RFX4: variants seen among roughly 807,000 people sequenced by gnomAD.
RFX4 encodes transcription factor RFX4.
RFX4 carries 10 observed loss-of-function variants against 95.0 expected under a neutral mutation model. The observed-to-expected ratio is 0.11, with a 90% CI of 0.06 to 0.18. RFX4 has a LOEUF of 0.18. Ranked by LOEUF, RFX4 falls within the 10% of genes least tolerant of loss-of-function variation. The probability of loss-of-function intolerance (pLI) is 1.00; values close to 1 mark genes in which losing one functional copy is unlikely to be tolerated. For synonymous variants in RFX4, 321 were observed against 340.7 expected, an observed-to-expected ratio of 0.94 and a Z score of 0.64; for missense variants, 640 against 922.0, an observed-to-expected ratio of 0.69 and a Z score of 3.96.
intron 2 of RFX4, among the ~76,000 whole-genome samples, chr12:106,618,803 C>G (rs1367364342): frequency 6.6e-6 from 1 of 151,946 alleles, no homozygotes; most frequent in Non-Finnish European, 1.5e-5. Context: ...TCCCATCTGT[C>G]TTTATTCCTT....
chr12:106,584,917 G>A (rs1003589215), intron 1 of RFX4, among the ~76,000 whole-genome samples: 16 of 152,192 alleles, frequency 1.1e-4, no homozygotes, highest in African/African-American at 3.6e-4. Context: ...AAGGAGAAGC[G>A]TCGCCTGCCC....
rs145312429 is a variant in RFX4 at position 106,657,421 on chromosome 12, C to T, written c.315+3070C>T. Among the ~76,000 whole-genome samples the T allele has an allele frequency of 8.1e-3, 1,238 of 152,282 alleles. 3 individuals are homozygous for T. Among genetic ancestry groups the T allele is most frequent in the Admixed American group, 0.012 (188 of 15,294 alleles). ...ATACCGTTCTTCATAAAGTGGGTGG[C>T]AGCCATTGCTTCGCTGCAAGTAAGA... On this transcript the variant is annotated intron_variant, in intron 4 of 17. Transcript: ENST00000392842.
In RFX4 at chr12:106,599,130, C is replaced by T. The variant is rs151168841; in HGVS notation, c.44-9667C>T. ...GGTGAGTTCATGATCTCTGAACAAA[C>T]GGCATTTGTGCATCGTTGGGAGTTT... On this transcript the variant is annotated intron_variant, in intron 1 of 17. Coordinates refer to ENST00000392842, the MANE Select transcript of RFX4 (RefSeq NM_213594.3). Among the ~76,000 whole-genome samples the T allele has an allele frequency of 7.6e-3, 1,148 of 151,140 alleles. 15 individuals are homozygous for T. The highest frequency in any genetic ancestry group is 0.026 in the African/African-American group (1,084 of 41,210).
chr12:106,611,908 T>C (rs1477790312), intron 2 of RFX4, among the ~76,000 whole-genome samples: 1 of 152,220 alleles, frequency 6.6e-6, no homozygotes, highest in Non-Finnish European at 1.5e-5. Flanking sequence ...TTGGCACCAT[T>C]GTCAAAAAAC....
intron 14 of RFX4, 87 bp from the exon 15 acceptor site, chr12:106,732,837 T>C (rs1307007546): frequency 7.5e-7 from 1 of 1,336,568 alleles, no homozygotes; most frequent in Non-Finnish European, 1.0e-6. Flanking sequence ...ATCACACAGA[T>C]TAGAATAATA....
chr12:106,725,209 T>G (rs1318006836), intron 13 of RFX4, among the ~76,000 whole-genome samples: 1 of 152,168 alleles, frequency 6.6e-6, no homozygotes, highest in Admixed American at 6.5e-5. Context: ...AAATGTGAAG[T>G]CACTTTGCTT....
chr12:106,747,653 C>A (rs1440775152), intron 16 of RFX4, 54 bp downstream of exon 16: 35 of 1,582,232 alleles, frequency 2.2e-5, no homozygotes, highest in Non-Finnish European at 2.1e-5. Context: ...TCTAAAGAGG[C>A]TGGGCACAGC....
intron 4 of RFX4, among the ~76,000 whole-genome samples, chr12:106,665,276 T>C (rs2041153874): frequency 6.6e-6 from 1 of 151,958 alleles, no homozygotes; most frequent in South Asian, 2.1e-4. Flanking sequence ...TGCTTTGAAG[T>C]ATGCTCCATA....
chr12:106,699,103 G>A (rs2041938644), intron 8 of RFX4, among the ~76,000 whole-genome samples: 1 of 151,876 alleles, frequency 6.6e-6, no homozygotes. Flanking sequence ...TGATATGTTG[G>A]ATTTTCATTT....
At chr12:106,626,437 A>G (rs763450) in intron 2 of RFX4, among the ~76,000 whole-genome samples, 46,887 of 151,924 alleles carry the variant, frequency 0.31, 7,721 homozygotes, top group African/African-American at 0.42. Context: ...ATTGGCTTGA[A>G]CAGAGAGGTT....
chr12:106,678,294 C>A (rs1409288565), intron 4 of RFX4, among the ~76,000 whole-genome samples: 8 of 152,106 alleles, frequency 5.3e-5, no homozygotes, highest in Non-Finnish European at 1.2e-4. Context: ...AAGGGCTTGG[C>A]CTGTGTTGCT....
intron 4 of RFX4, among the ~76,000 whole-genome samples, chr12:106,664,875 T>G (rs1352385519): frequency 6.6e-6 from 1 of 151,902 alleles, no homozygotes; most frequent in Admixed American, 6.6e-5. Context: ...AATGATAGCT[T>G]AATTCTACTG....
chr12:106,751,115 T>G (rs1264145433), intron 17 of RFX4, among the ~76,000 whole-genome samples: 1 of 128,880 alleles, frequency 7.8e-6, no homozygotes, highest in Non-Finnish European at 1.6e-5. Flanking sequence ...GTCCCCAGAG[T>G]GTGATGTTCC....
At chr12:106,601,825 C>G (rs960182481) in intron 1 of RFX4, among the ~76,000 whole-genome samples, 2 of 152,242 alleles carry the variant, frequency 1.3e-5, no homozygotes, top group African/African-American at 4.8e-5. Context: ...CCCAGAACCA[C>G]CAGGCCTTTC....
At chr12:106,642,664 T>G (rs146471397) in intron 3 of RFX4, among the ~76,000 whole-genome samples, 38 of 152,230 alleles carry the variant, frequency 2.5e-4, no homozygotes, top group African/African-American at 8.9e-4. Context: ...ATGCATTAGA[T>G]AGTGAGAAGT....
intron 2 of RFX4, among the ~76,000 whole-genome samples, chr12:106,609,741 G>T (rs1427825741): frequency 6.7e-6 from 1 of 149,322 alleles, no homozygotes; most frequent in Non-Finnish European, 1.5e-5. Flanking sequence ...AGTTTGATGG[G>T]GTTTTTTTTT....
In RFX4 at chr12:106,660,172, G is replaced by T. The variant is rs538884629; in HGVS notation, c.315+5821G>T. Among the ~76,000 whole-genome samples the T allele has an allele frequency of 2.2e-4, 34 of 152,168 alleles. 1 individual carries two copies. Among genetic ancestry groups the T allele is most frequent in the African/African-American group, 7.7e-4 (32 of 41,522 alleles). ...GCCCCGTGCTGGAAGATGGGATACA[G>T]AGTGAAGTCTGCCTCCAAGGAGAAG... On this transcript the variant is annotated intron_variant, in intron 4 of 17. Coordinates refer to ENST00000392842, the MANE Select transcript of RFX4 (RefSeq NM_213594.3).
chr12:106,751,787 C>T (rs1236775064), intron 17 of RFX4, among the ~76,000 whole-genome samples: 1,866 of 151,592 alleles, frequency 0.012, 46 homozygotes, highest in African/African-American at 0.043. Flanking sequence ...TGGGGTTGTT[C>T]GTTTTTTTCT....
chr12:106,639,498 A>G, intron 3 of RFX4, 106 bp downstream of exon 3: 2 of 975,048 alleles, frequency 2.1e-6, no homozygotes, highest in Non-Finnish European at 1.6e-6. Context: ...TGATAACTTG[A>G]CATTCCACAA....
Sources: gnomAD v4.1 joint callset for allele counts (sites outside exome capture counted in the v4.1 genomes callset) on GRCh38, gnomAD v4.1.1 for gene constraint, MANE v1.5 for transcripts, NCBI Gene and HGNC (gene_info 2026-07-23, HGNC 2026-07-21) for gene names.